The following NAV2 variants were observed in gnomAD, a reference collection of about 807,000 sequenced individuals.
The protein encoded by NAV2 is neuron navigator 2.
In NAV2, 54 loss-of-function variants were observed where a neutral mutation model predicts 223.2. The observed-to-expected ratio is 0.24, with a 90% confidence interval of 0.19 to 0.30. The LOEUF is 0.30. Among genes scored for constraint, NAV2 ranks in the 10% least tolerant of loss-of-function variants. The probability of loss-of-function intolerance (pLI) is 1.00; values close to 1 mark genes in which losing one functional copy is unlikely to be tolerated. For synonymous variants in NAV2, 1,279 were observed against 1,239.3 expected (o/e 1.03, Z -0.67); for missense variants, 2,806 against 3,147.5 (o/e 0.89, Z 2.60).
At chr11:19,849,502 G>A (rs1181601177) in intron 3 of NAV2, among the ~76,000 whole-genome samples, 1 of 152,196 alleles carries the variant, frequency 6.6e-6, no homozygotes, top group Non-Finnish European at 1.5e-5. Flanking sequence ...CTGGCGCCAG[G>A]TACCTCTCTG....
intron 11 of NAV2, among the ~76,000 whole-genome samples, chr11:19,990,488 C>T (rs2051222369): frequency 6.6e-6 from 1 of 152,136 alleles, no homozygotes; most frequent in Admixed American, 6.5e-5. Flanking sequence ...GAGGCTGGGA[C>T]CATGGTTTAA....
chr11:19,842,645 G>A (rs2152945243), intron 2 of NAV2, among the ~76,000 whole-genome samples: 1 of 152,320 alleles, frequency 6.6e-6, no homozygotes, highest in African/African-American at 2.4e-5. Context: ...CGATGCAGTT[G>A]TCTCTGTTTT....
intron 6 of NAV2, among the ~76,000 whole-genome samples, chr11:19,914,560 C>T (rs1410906236): frequency 1.4e-5 from 2 of 146,156 alleles, no homozygotes; most frequent in African/African-American, 2.5e-5. Flanking sequence ...TTTTTTGAGA[C>T]GGAGTCTCGC....
chr11:19,774,435 C>A (rs954506070), intron 1 of NAV2, among the ~76,000 whole-genome samples: 2 of 152,204 alleles, frequency 1.3e-5, no homozygotes, highest in African/African-American at 4.8e-5. Flanking sequence ...CCTTGGCCTC[C>A]CAAAGTGCTA....
intron 10 of NAV2, among the ~76,000 whole-genome samples, chr11:19,953,856 CGCGTGT>C (rs1260040248): frequency 3.9e-5 from 5 of 127,046 alleles, no homozygotes; most frequent in Admixed American, 1.6e-4. Context: ...TGCACGCGCG[CGCGTGT>C]GTGTGTGTGT....
chr11:19,544,999 C>T (rs933243851), intron 1 of NAV2, among the ~76,000 whole-genome samples: 2 of 152,264 alleles, frequency 1.3e-5, no homozygotes, highest in African/African-American at 2.4e-5. Context: ...CCACTCTCCA[C>T]CTCTCTACCC....
At chr11:20,044,805 C>G (rs1305607998) in intron 13 of NAV2, among the ~76,000 whole-genome samples, 163 bp from the exon 14 acceptor site, 1 of 152,094 alleles carries the variant, frequency 6.6e-6, no homozygotes, top group Non-Finnish European at 1.5e-5. Context: ...CTAAAAGGCT[C>G]ACGGTACATT....
chr11:19,657,261 TGTTTGCCACTCCTTTCTGGGCATCCA>T (rs1184672524), intron 1 of NAV2, among the ~76,000 whole-genome samples: 91 of 152,300 alleles, frequency 6.0e-4, no homozygotes, highest in South Asian at 1.2e-3. Flanking sequence ...AAGGCTACCA[TGTTTGCCACTCCTTTCTGGGCATCCA>T]GTTTGTGCCA....
intron 22 of NAV2, among the ~76,000 whole-genome samples, chr11:20,077,346 G>A (rs188658488): frequency 6.6e-6 from 1 of 152,038 alleles, no homozygotes; most frequent in African/African-American, 2.4e-5. Flanking sequence ...AGGGCCCTAA[G>A]ATGGGAAGGA....
At position 19,435,199 on chromosome 11, in the gene NAV2, G is replaced by C. The variant is rs554593046; in HGVS notation, c.75+84172G>C. Reference sequence around the variant, plus strand: ...CTATCTAACTGAAACTATATCCTCCGACCAATGTCTTGCCTTTCCCTGTCC... The same window carrying C: ...CTATCTAACTGAAACTATATCCTCCCACCAATGTCTTGCCTTTCCCTGTCC... On this transcript the variant is annotated intron_variant, in intron 1 of 37. Transcript: ENST00000360655. 2.0e-5 allele frequency among the ~76,000 whole-genome samples: 3 copies of C among 151,918 alleles called. No homozygotes were observed. The South Asian group carries it at 6.2e-4, about 32-fold the overall frequency.
In NAV2 at chr11:19,832,525, C is replaced by A. The variant is rs2060002321; in HGVS notation, c.309C>A (p.Gly103=). 1.2e-5 allele frequency: 19 copies of A among 1,614,176 alleles called. No individual in the cohort carries two copies. Among genetic ancestry groups the A allele is most frequent in the Non-Finnish European group, 1.6e-5 (19 of 1,180,028 alleles). ...DWANHYLAKS[G]HKRLIRDLQQ... The stretch of plus-strand genomic sequence containing the variant: ...CCAATCATTACCTAGCCAAATCCGG[C>A]CACAAGCGTCTCATCAGGGATCTCC... The change falls in exon 2 of 38, where the codon GGC becomes GGA. Residue 103 remains glycine (G), a synonymous_variant. Coordinates refer to ENST00000349880, the MANE Select transcript of NAV2 (RefSeq NM_145117.5).
chr11:19,872,291 C>T (rs1328332574), intron 4 of NAV2, among the ~76,000 whole-genome samples: 2 of 152,106 alleles, frequency 1.3e-5, no homozygotes, highest in African/African-American at 4.8e-5. Context: ...TTTAGTACCC[C>T]CAGCAACCTT....
chr11:19,875,307 A>G (rs2062770261), intron 4 of NAV2, among the ~76,000 whole-genome samples: 1 of 152,238 alleles, frequency 6.6e-6, no homozygotes, highest in South Asian at 2.1e-4. Flanking sequence ...AACCTACCTT[A>G]AATGTGCTCA....
chr11:19,685,726 G>C (rs980617972), intron 1 of NAV2, among the ~76,000 whole-genome samples: 7 of 152,102 alleles, frequency 4.6e-5, no homozygotes, highest in African/African-American at 1.7e-4. Flanking sequence ...GTTGATGAGT[G>C]ATATTGGGTA....
At chr11:20,026,620 T>C (rs2055108588) in intron 11 of NAV2, among the ~76,000 whole-genome samples, 1 of 152,234 alleles carries the variant, frequency 6.6e-6, no homozygotes, top group Admixed American at 6.5e-5. Context: ...AGCTTGCTTA[T>C]AGTTTTAATT....
rs1592165774 is a variant in NAV2 at position 20,104,136 on chromosome 11, A to G, written c.6644+412A>G. Reference sequence around the variant, plus strand: ...TGAGCAATGACAGCTTTTACCTAAAATGTCCCCACCTAGCTGGGTCTGTGG... The same window carrying G: ...TGAGCAATGACAGCTTTTACCTAAAGTGTCCCCACCTAGCTGGGTCTGTGG... On this transcript the variant is annotated intron_variant, in intron 34 of 37. Transcript: ENST00000349880. The G allele has an allele frequency of 2.0e-5, 4 of 198,720 alleles. No homozygotes were observed. In the South Asian group the frequency reaches 3.5e-4, roughly 17 times the overall value. The allele number at this position is 198,720 out of a possible 1,614,324, so 12.3% of individuals were successfully genotyped here.
chr11:19,864,393 G>A (rs909948542), intron 3 of NAV2, among the ~76,000 whole-genome samples: 1 of 152,148 alleles, frequency 6.6e-6, no homozygotes, highest in African/African-American at 2.4e-5. Flanking sequence ...CACAACAGAT[G>A]GTATTTGATC....
chr11:19,458,546 T>C (rs1407606314), intron 1 of NAV2, among the ~76,000 whole-genome samples: 1 of 152,240 alleles, frequency 6.6e-6, no homozygotes, highest in Non-Finnish European at 1.5e-5. Flanking sequence ...CTACTATGTG[T>C]CAGGCACTTG....
chr11:19,584,417 C>T (rs183102974), intron 1 of NAV2, among the ~76,000 whole-genome samples: 1 of 152,138 alleles, frequency 6.6e-6, no homozygotes, highest in African/African-American at 2.4e-5. Flanking sequence ...TTGCCTTCTG[C>T]TAGCTTTTGA....
Sources: gnomAD v4.1 joint callset for allele counts (sites outside exome capture counted in the v4.1 genomes callset) on GRCh38, gnomAD v4.1.1 for gene constraint, MANE v1.5 for transcripts, NCBI Gene and HGNC (gene_info 2026-07-23, HGNC 2026-07-21) for gene names.